ADAMTS19: variants seen among roughly 807,000 people sequenced by gnomAD.
The protein encoded by ADAMTS19 is ADAM metallopeptidase with thrombospondin type 1 motif 19.
ADAMTS19 carries 93 observed loss-of-function variants against 153.3 expected under a neutral mutation model. The observed-to-expected ratio is 0.61, with a 90% CI of 0.51 to 0.72. ADAMTS19 has a LOEUF of 0.72. ADAMTS19 is among the 30% of genes least tolerant of loss of function. The pLI, the probability that ADAMTS19 is intolerant of heterozygous loss-of-function variation, is 0.00. For missense variants in ADAMTS19, 1,482 were observed against 1,552.1 expected, an observed-to-expected ratio of 0.95 and a Z score of 0.76; for synonymous variants, 600 against 556.6, an observed-to-expected ratio of 1.08 and a Z score of -1.10.
At chr5:129,478,551 T>G (rs1561532238) in intron 2 of ADAMTS19, among the ~76,000 whole-genome samples, 1 of 152,232 alleles carries the variant, frequency 6.6e-6, no homozygotes, top group East Asian at 1.9e-4. Flanking sequence ...CCTTTTTTTG[T>G]TTGTTTGTTT....
chr5:129,563,492 A>G (rs1042412003), intron 7 of ADAMTS19, among the ~76,000 whole-genome samples: 1 of 152,172 alleles, frequency 6.6e-6, no homozygotes, highest in African/African-American at 2.4e-5. Context: ...TTGGGGATTT[A>G]TATATTCAAA....
At chr5:129,636,280 C>G (rs1752529176) in intron 10 of ADAMTS19, among the ~76,000 whole-genome samples, 1 of 152,118 alleles carries the variant, frequency 6.6e-6, no homozygotes, top group Admixed American at 6.5e-5. Flanking sequence ...ATTCTGTTCA[C>G]AGTTTATAGT....
At chr5:129,691,350 C>T (rs1755327425) in intron 18 of ADAMTS19, among the ~76,000 whole-genome samples, 1 of 152,118 alleles carries the variant, frequency 6.6e-6, no homozygotes, top group African/African-American at 2.4e-5. Context: ...CACCATAAAG[C>T]AAGTAATACT....
chr5:129,598,460 T>C (rs1216541324), intron 8 of ADAMTS19, among the ~76,000 whole-genome samples: 1 of 152,182 alleles, frequency 6.6e-6, no homozygotes, highest in Non-Finnish European at 1.5e-5. Flanking sequence ...GTTATTCAAG[T>C]AAACACAAGT....
intron 13 of ADAMTS19, among the ~76,000 whole-genome samples, 165 bp downstream of exon 13, chr5:129,649,135 A>G (rs1753201651): frequency 6.6e-6 from 1 of 152,260 alleles, no homozygotes; most frequent in African/African-American, 2.4e-5. Flanking sequence ...TGACAAAAAT[A>G]TATTTTAAAA....
At chr5:129,507,686 G>A (rs115320246) in intron 2 of ADAMTS19, among the ~76,000 whole-genome samples, 6,061 of 151,118 alleles carry the variant, frequency 0.04, 162 homozygotes, top group Middle Eastern at 0.071. Context: ...GTGTGTGTGC[G>A]AGAGCCAGAG....
intron 15 of ADAMTS19, among the ~76,000 whole-genome samples, chr5:129,664,079 A>G (rs1244327036): frequency 6.7e-6 from 1 of 150,148 alleles, no homozygotes; most frequent in East Asian, 2.0e-4. Flanking sequence ...TTTCCCAAGT[A>G]TGAGTAATTT....
chr5:129,571,184 CCTAAAA>C (rs1417440899), intron 7 of ADAMTS19, among the ~76,000 whole-genome samples: 1 of 151,690 alleles, frequency 6.6e-6, no homozygotes, highest in Non-Finnish European at 1.5e-5. Flanking sequence ...TGAAAAAACT[CCTAAAA>C]CTAATAAATG....
intron 7 of ADAMTS19, among the ~76,000 whole-genome samples, chr5:129,577,385 T>TA (rs1749185919): frequency 6.6e-6 from 1 of 152,106 alleles, no homozygotes; most frequent in Admixed American, 6.6e-5. Context: ...ACAGAGAATA[T>TA]ACATATTAAA....
intron 7 of ADAMTS19, among the ~76,000 whole-genome samples, chr5:129,576,986 C>T (rs992038919): frequency 4.6e-5 from 7 of 152,088 alleles, no homozygotes; most frequent in African/African-American, 7.2e-5. Context: ...CCATGGCAGT[C>T]GGAGTCAACG....
In ADAMTS19 at chr5:129,598,458, A is replaced by G. The variant is rs547973761; in HGVS notation, c.1478+1794A>G. Among the ~76,000 whole-genome samples the G allele has an allele frequency of 8.6e-4, 131 of 152,332 alleles. 1 individual carries two copies. The highest frequency in any genetic ancestry group is 2.9e-3 in the African/African-American group (119 of 41,580). ...AGTAGTTGATTTAAAAAGTTATTCA[A>G]GTAAACACAAGTGATCAAATTGTAA... is the stretch of plus-strand genomic sequence containing the variant. On this transcript the variant is annotated intron_variant, in intron 8 of 22. Transcript: ENST00000274487.
Position 129,461,099 on chromosome 5 carries a change from C to T in ADAMTS19, c.92-3C>T. The T allele has an allele frequency of 7.2e-7, 1 of 1,393,896 alleles. No individual in the cohort carries two copies. The highest frequency in any genetic ancestry group is 9.3e-7 in the Non-Finnish European group (1 of 1,075,198). The allele number at this position is 1,393,896 out of a possible 1,614,324, so 86.3% of individuals were successfully genotyped here. On this transcript the variant is annotated splice_polypyrimidine_tract_variant and splice_region_variant and intron_variant, in intron 1 of 22. Coordinates refer to ENST00000274487, the MANE Select transcript of ADAMTS19 (RefSeq NM_133638.6). The surrounding 1 kb of genome is among the most constrained non-coding windows in gnomAD (Gnocchi z 4.6). ...CCCGCACTTCTGTCTGCCCCGCCCG[C>T]AGAGCTGCAGTTCGCCCCCGACCGC...
At position 129,498,486 on chromosome 5, in the gene ADAMTS19, A is replaced by G. The variant is rs559660260; in HGVS notation, c.748-10591A>G. On this transcript the variant is annotated intron_variant, in intron 2 of 22. Coordinates refer to ENST00000274487, the MANE Select transcript of ADAMTS19 (RefSeq NM_133638.6). ...TGGTACTAAGTATTATAGCTATATTACTTATTCTTTATTTGTTACTTTTTG... is the reference window on the plus strand; with the variant it reads ...TGGTACTAAGTATTATAGCTATATTGCTTATTCTTTATTTGTTACTTTTTG... Among the ~76,000 whole-genome samples the G allele has an allele frequency of 5.9e-5, 9 of 152,098 alleles. No individual in the cohort carries two copies. The South Asian group carries it at 1.9e-3, about 32-fold the overall frequency.
Position 129,654,402 on chromosome 5 carries a change from G to T in ADAMTS19, c.2273G>T (p.Gly758Val). The T allele has an allele frequency of 6.2e-7, 1 of 1,612,450 alleles. No homozygotes were observed. ...VMDGTSCGYQ[G>V]LDICANGRCQ... The stretch of plus-strand genomic sequence containing the variant: ...GATGGAACTTCTTGTGGCTATCAGG[G>T]ATTAGATATCTGTGCAAATGGCAGG... The change falls in exon 14 of 23, where the codon GGA (glycine) becomes GTA (valine). Residue 758 changes from glycine (G) to valine (V), a missense_variant. Physicochemically the swap from Gly to Val is moderately radical, Grantham distance 109 (BLOSUM62 -3). This residue lies in a region of ADAMTS19 where 616 missense variants were observed against 724.4 expected (regional missense o/e 0.85). Coordinates refer to ENST00000274487, the MANE Select transcript of ADAMTS19 (RefSeq NM_133638.6).
chr5:129,494,597 T>C (rs1468717738), intron 2 of ADAMTS19, among the ~76,000 whole-genome samples: 1 of 152,164 alleles, frequency 6.6e-6, no homozygotes, highest in East Asian at 1.9e-4. Context: ...TGTGATTGTA[T>C]TTCCAGCTAC....
At chr5:129,522,297 G>GTATATA (rs1751838626) in intron 3 of ADAMTS19, among the ~76,000 whole-genome samples, 1 of 112,848 alleles carries the variant, frequency 8.9e-6, no homozygotes, top group African/African-American at 3.9e-5. Context: ...ATGTGTGTGT[G>GTATATA]TGTATATATA....
At chr5:129,656,003 CTCA>C (rs1341062339) in intron 14 of ADAMTS19, among the ~76,000 whole-genome samples, 2 of 152,124 alleles carry the variant, frequency 1.3e-5, no homozygotes, top group East Asian at 1.9e-4. Flanking sequence ...GAGCTTTCAT[CTCA>C]TCATTATATA....
intron 2 of ADAMTS19, among the ~76,000 whole-genome samples, chr5:129,474,133 T>G (rs1277692705): frequency 6.6e-6 from 1 of 152,146 alleles, no homozygotes; most frequent in Non-Finnish European, 1.5e-5. Context: ...GTCTTTCATA[T>G]AAATGTAATC....
chr5:129,715,936 T>G (rs1756704939), intron 21 of ADAMTS19, among the ~76,000 whole-genome samples: 1 of 151,954 alleles, frequency 6.6e-6, no homozygotes, highest in African/African-American at 2.4e-5. Context: ...AAAATGCAAT[T>G]CTGAGAAACT....
Sources: allele counts gnomAD v4.1 joint callset (sites outside exome capture counted in the v4.1 genomes callset), GRCh38; gene constraint gnomAD v4.1.1; regional missense constraint gnomAD v4.1.1; non-coding constraint Gnocchi (gnomAD v3.1); transcripts MANE v1.5; gene names NCBI Gene and HGNC (gene_info 2026-07-23, HGNC 2026-07-21).